RIPOR2: variants seen among roughly 807,000 people sequenced by gnomAD.
RIPOR2 encodes RHO family interacting cell polarization regulator 2.
In RIPOR2, 39 loss-of-function variants were observed where a neutral mutation model predicts 114.5. The ratio of observed to expected loss-of-function variants is 0.34; its 90% CI spans 0.26 to 0.44. The LOEUF (loss-of-function observed/expected upper bound fraction) is 0.44, where lower values mean the gene tolerates loss of function less well. Among genes scored for constraint, RIPOR2 ranks in the 20% least tolerant of loss-of-function variants. The probability of loss-of-function intolerance (pLI) is 1.00; values close to 1 mark genes in which losing one functional copy is unlikely to be tolerated. For missense variants in RIPOR2, 1,007 were observed against 1,255.1 expected, an observed-to-expected ratio of 0.80 and a Z score of 2.99; for synonymous variants, 445 against 484.4, an observed-to-expected ratio of 0.92 and a Z score of 1.07.
intron 1 of RIPOR2, among the ~76,000 whole-genome samples, chr6:24,943,798 C>A (rs974904376): frequency 3.6e-4 from 54 of 152,056 alleles, no homozygotes; most frequent in African/African-American, 1.2e-3. Flanking sequence ...TCTTCAAAGT[C>A]CCATTCCCCC....
At chr6:24,981,191 A>G (rs757304140) in intron 1 of RIPOR2, among the ~76,000 whole-genome samples, 1 of 152,216 alleles carries the variant, frequency 6.6e-6, no homozygotes, top group East Asian at 1.9e-4. Flanking sequence ...GTGAGCCTAG[A>G]GTTGCCTCGT....
At chr6:24,888,470 T>G (rs1767034823) in intron 1 of RIPOR2, among the ~76,000 whole-genome samples, 1 of 152,196 alleles carries the variant, frequency 6.6e-6, no homozygotes. Context: ...GCTAATATTT[T>G]TTATTGTTCT....
chr6:24,851,830 G>A (rs771102276), intron 9 of RIPOR2, among the ~76,000 whole-genome samples: 102 of 152,056 alleles, frequency 6.7e-4, no homozygotes, highest in Non-Finnish European at 1.1e-3. Flanking sequence ...TCCAGGTGAC[G>A]TTAGCTGAAG....
intron 1 of RIPOR2, chr6:24,876,978 A>G (rs377110657): frequency 1.0e-6 from 1 of 985,470 alleles, no homozygotes. Context: ...ACTTCAATCC[A>G]GAGAGGGGGA....
chr6:24,850,777 A>G (rs1476605473), intron 9 of RIPOR2, 55 bp from the exon 10 acceptor site: 2 of 1,599,916 alleles, frequency 1.3e-6, no homozygotes, highest in Non-Finnish European at 1.7e-6. Context: ...CTTCTCCACC[A>G]GAACACCAAG....
chr6:24,868,945 G>A (rs568694497), intron 6 of RIPOR2, 149 bp downstream of exon 6: 1 of 542,440 alleles, frequency 1.8e-6, no homozygotes, highest in Admixed American at 3.5e-5. Flanking sequence ...TCCATCTTTA[G>A]TGCCCACTTG....
chr6:25,025,703 A>G (rs1776582283), intron 1 of RIPOR2, among the ~76,000 whole-genome samples: 1 of 152,252 alleles, frequency 6.6e-6, no homozygotes, highest in South Asian at 2.1e-4. Context: ...TTTAAAAGAA[A>G]AACTTCCTGT....
intron 6 of RIPOR2, among the ~76,000 whole-genome samples, chr6:24,867,003 G>T (rs768093219): frequency 6.6e-6 from 1 of 152,122 alleles, no homozygotes; most frequent in Non-Finnish European, 1.5e-5. Context: ...CCTGTTTGAG[G>T]ATTACAATTT....
At chr6:24,860,921 C>T (rs372010922) in intron 8 of RIPOR2, 52 bp downstream of exon 8, 133 of 1,208,838 alleles carry the variant, frequency 1.1e-4, no homozygotes, top group Admixed American at 2.3e-4. Flanking sequence ...TCAAGGAGCT[C>T]TGCACTCTGC....
intron 1 of RIPOR2, among the ~76,000 whole-genome samples, chr6:24,899,823 C>T (rs982149271): frequency 6.6e-6 from 1 of 152,126 alleles, no homozygotes; most frequent in African/African-American, 2.4e-5. Flanking sequence ...AGGCGTCAAT[C>T]GTTTGCAAGA....
At chr6:25,021,422 T>C (rs570444788) in intron 1 of RIPOR2, among the ~76,000 whole-genome samples, 1 of 152,130 alleles carries the variant, frequency 6.6e-6, no homozygotes, top group Non-Finnish European at 1.5e-5. Flanking sequence ...GATAAAGAAA[T>C]TGTGGTATAC....
chr6:25,011,780 T>TA lies in RIPOR2; in HGVS notation c.76+30070dup, dbSNP rs1332644784. Among the ~76,000 whole-genome samples, 11 of 152,354 alleles carry TA rather than the reference T, an allele frequency of 7.2e-5. No homozygotes were observed. In the East Asian group the frequency reaches 2.1e-3, roughly 29 times the overall value. On this transcript the variant is annotated intron_variant, in intron 1 of 13. Transcript: ENST00000510784. ...GTCAAAGCTAAAACTATAAAACTCT[T>TA]AGAGGAATCTGCAGGAGTATTCTTT...
rs116050950 is a variant in RIPOR2, at chr6:24,885,289, C to G, written c.62-9472G>C. ...GAGGGATGGATTGCAATGACTCAGT[C>G]ATAGCTCACTGCAGCCTCAATCTCC... On this transcript the variant is annotated intron_variant, in intron 1 of 21. Coordinates refer to ENST00000643898, the MANE Select transcript of RIPOR2 (RefSeq NM_001286445.3). Among the ~76,000 whole-genome samples, 864 of 152,244 alleles carry G rather than the reference C, an allele frequency of 5.7e-3. 7 individuals are homozygous for G. Among genetic ancestry groups the G allele is most frequent in the African/African-American group, 0.019 (802 of 41,546 alleles).
chr6:24,866,648 T>TA (rs71710508), intron 6 of RIPOR2, among the ~76,000 whole-genome samples: 5,584 of 146,292 alleles, frequency 0.038, 168 homozygotes, highest in African/African-American at 0.082. Context: ...TGTGCTTAGC[T>TA]AAAAAAAAAA....
At chr6:24,980,999 C>T (rs911412384) in intron 1 of RIPOR2, among the ~76,000 whole-genome samples, 12 of 152,202 alleles carry the variant, frequency 7.9e-5, no homozygotes, top group Non-Finnish European at 5.9e-5. Context: ...TAACTTTCTC[C>T]ACCTCTGTAG....
At chr6:25,024,755 A>C (rs1776523509) in intron 1 of RIPOR2, among the ~76,000 whole-genome samples, 1 of 151,916 alleles carries the variant, frequency 6.6e-6, no homozygotes. Flanking sequence ...ATGCTTCCCT[A>C]CTCTGTCCTT....
At chr6:24,945,149 T>TA (rs530996958) in intron 1 of RIPOR2, among the ~76,000 whole-genome samples, 211 of 151,376 alleles carry the variant, frequency 1.4e-3, no homozygotes, top group Non-Finnish European at 2.7e-3. Flanking sequence ...ATATATCAAT[T>TA]AAAAAAAAGA....
chr6:24,954,746 C>A (rs892532461), intron 1 of RIPOR2, among the ~76,000 whole-genome samples: 2 of 152,040 alleles, frequency 1.3e-5, no homozygotes, highest in African/African-American at 4.8e-5. Context: ...CTGCACTCAG[C>A]CTTAGGCCCC....
At chr6:25,024,352 A>G (rs1776498880) in intron 1 of RIPOR2, 3 of 1,430,036 alleles carry the variant, frequency 2.1e-6, no homozygotes, top group Non-Finnish European at 2.9e-6. Context: ...GCTTCCTCGA[A>G]GTCTTCCTTC....
Sources: gnomAD v4.1 joint callset for allele counts (sites outside exome capture counted in the v4.1 genomes callset) on GRCh38, gnomAD v4.1.1 for gene constraint, MANE v1.5 for transcripts, NCBI Gene and HGNC (gene_info 2026-07-23, HGNC 2026-07-21) for gene names.